Variants in CRYBG1 observed in about 807,000 individuals in gnomAD.
The protein encoded by CRYBG1 is crystallin beta-gamma domain containing 1.
Under a neutral mutation model 189.2 loss-of-function variants are expected in CRYBG1, and 139 were observed. The ratio of observed to expected loss-of-function variants is 0.73; its 90% CI spans 0.64 to 0.85. The LOEUF is 0.85. Among genes scored for constraint, CRYBG1 ranks in the 40% least tolerant of loss-of-function variants. The pLI is 0.00. For synonymous variants in CRYBG1, 1,023 were observed against 1,017.1 expected (o/e 1.01, Z -0.11); for missense variants, 2,611 against 2,675.8 (o/e 0.98, Z 0.53).
chr6:106,377,033 C>T (rs1562290225), intron 1 of CRYBG1, among the ~76,000 whole-genome samples: 1 of 152,118 alleles, frequency 6.6e-6, no homozygotes, highest in Non-Finnish European at 1.5e-5. Flanking sequence ...GTATTGAACA[C>T]CTGTGCTTAA....
intron 1 of CRYBG1, among the ~76,000 whole-genome samples, chr6:106,389,808 GTTTT>G (rs1770466285): frequency 1.3e-5 from 2 of 151,988 alleles, no homozygotes; most frequent in African/African-American, 4.8e-5. Context: ...TTTTGCATAT[GTTTT>G]GGTTCAGTCG....
intron 3 of CRYBG1, among the ~76,000 whole-genome samples, chr6:106,514,326 A>G (rs1405285596): frequency 1.3e-5 from 2 of 152,186 alleles, no homozygotes; most frequent in Non-Finnish European, 2.9e-5. Flanking sequence ...GGGTATTTTA[A>G]CAACATTATC....
At chr6:106,553,620 C>A in intron 16 of CRYBG1, 53 bp downstream of exon 16, 2 of 1,203,780 alleles carry the variant, frequency 1.7e-6, no homozygotes, top group Non-Finnish European at 2.5e-6. Flanking sequence ...AAACAGAATT[C>A]ACACATCAGC....
Position 106,512,971 on chromosome 6 carries a change from C to G in CRYBG1, c.1854C>G (p.Asp618Glu). ...CGGCCGGAGCGCCTGGAGCTTCTGA[C>G]GCCGACGGCTTGAAGCCCAGGAACC... Reference protein sequence around the residue: ...GRAAGAPGASDADGLKPRNHF... With the variant: ...GRAAGAPGASEADGLKPRNHF... Residue 618 changes from aspartate to glutamate, a missense_variant, in exon 3 of 22, where the codon GAC (aspartate) becomes GAG (glutamate). Asp to Glu is a conservative substitution (Grantham distance 45, BLOSUM62 2). Around this residue, in one of 3 missense-constraint regions of CRYBG1, gnomAD observed 985 missense variants for 924.4 expected, o/e 1.07. Coordinates refer to ENST00000633556, the MANE Select transcript of CRYBG1 (RefSeq NM_001371242.2). 2 of 1,611,180 alleles carry G rather than the reference C, an allele frequency of 1.2e-6. No individual in the cohort carries two copies. Among genetic ancestry groups the G allele is most frequent in the Non-Finnish European group, 1.7e-6 (2 of 1,179,516 alleles).
chr6:106,366,739 G>A (rs1166935219), intron 1 of CRYBG1, among the ~76,000 whole-genome samples: 1 of 152,252 alleles, frequency 6.6e-6, no homozygotes, highest in Non-Finnish European at 1.5e-5. Context: ...TCTATGTAAA[G>A]CACCCAGCAC....
chr6:106,499,314 G>A (rs1458651847), intron 2 of CRYBG1, among the ~76,000 whole-genome samples: 12 of 142,196 alleles, frequency 8.4e-5, no homozygotes, highest in Non-Finnish European at 6.1e-5. Flanking sequence ...CACCACACCC[G>A]GCTAATTTTT....
intron 1 of CRYBG1, among the ~76,000 whole-genome samples, chr6:106,369,160 G>A (rs1264877921): frequency 6.6e-6 from 1 of 152,104 alleles, no homozygotes; most frequent in Non-Finnish European, 1.5e-5. Context: ...CATACAAATG[G>A]GGCAGAGAAT....
intron 2 of CRYBG1, among the ~76,000 whole-genome samples, chr6:106,459,651 T>G (rs1393909115): frequency 6.6e-6 from 1 of 152,010 alleles, no homozygotes; most frequent in Non-Finnish European, 1.5e-5. Flanking sequence ...ATGTAGAATA[T>G]GATGGATGTA....
chr6:106,512,577 AG>A lies in CRYBG1; in HGVS notation c.1461del (p.Lys487AsnfsTer136). Reference sequence around the variant, plus strand: ...GCCTCCGCTGCGAGCCCAGAGTCCAAGCCCAGCCCCGGTACCAAAGGGCAGC... The same window carrying A: ...GCCTCCGCTGCGAGCCCAGAGTCCAACCCAGCCCCGGTACCAAAGGGCAGC... ...GVASAASPES[K>X]PSPGTKGQLR... On this transcript the variant is annotated frameshift_variant, in exon 3 of 22. Transcript: ENST00000633556. LOFTEE classifies it high-confidence loss of function. The A allele has an allele frequency of 6.2e-7, 1 of 1,606,468 alleles. No homozygotes were observed. Among genetic ancestry groups the A allele is most frequent in the Non-Finnish European group, 8.5e-7 (1 of 1,177,206 alleles).
chr6:106,517,387 CACAT>C (rs1773456789), intron 3 of CRYBG1, among the ~76,000 whole-genome samples: 1 of 39,522 alleles, frequency 2.5e-5, no homozygotes, highest in African/African-American at 8.4e-5. Context: ...CACATATACA[CACAT>C]ATATATATAT....
chr6:106,421,886 C>CA (rs909793844), intron 1 of CRYBG1, among the ~76,000 whole-genome samples: 8 of 149,272 alleles, frequency 5.4e-5, no homozygotes, highest in South Asian at 2.1e-4. Context: ...TGGTAGCAGG[C>CA]AAAAAAAAAG....
intron 2 of CRYBG1, among the ~76,000 whole-genome samples, chr6:106,464,350 G>A (rs531262765): frequency 5.3e-5 from 8 of 152,096 alleles, no homozygotes; most frequent in East Asian, 1.9e-4. Flanking sequence ...AAAATTAGCC[G>A]GGCATGTTGG....
chr6:106,443,500 T>A (rs1771602906), intron 1 of CRYBG1, among the ~76,000 whole-genome samples: 1 of 152,200 alleles, frequency 6.6e-6, no homozygotes, highest in East Asian at 1.9e-4. Flanking sequence ...ACATCCTTCT[T>A]GGCATCCCTG....
chr6:106,445,372 A>G (rs1771647215), intron 1 of CRYBG1, among the ~76,000 whole-genome samples: 1 of 152,204 alleles, frequency 6.6e-6, no homozygotes, highest in Non-Finnish European at 1.5e-5. Flanking sequence ...GTGACTTTGA[A>G]CAATGAATAT....
chr6:106,470,765 C>T (rs763643574), intron 2 of CRYBG1, among the ~76,000 whole-genome samples: 4 of 152,160 alleles, frequency 2.6e-5, no homozygotes, highest in Admixed American at 6.5e-5. Context: ...TAAAGGGCCA[C>T]ATTGCCTGCC....
At chr6:106,466,633 A>G (rs558635437) in intron 2 of CRYBG1, among the ~76,000 whole-genome samples, 1 of 152,350 alleles carries the variant, frequency 6.6e-6, no homozygotes, top group South Asian at 2.1e-4. Flanking sequence ...TTTATTTATG[A>G]ATAAAGGAAA....
In CRYBG1 at chr6:106,454,391, T is replaced by A. The variant is rs192163695; in HGVS notation, c.312+2559T>A. Among the ~76,000 whole-genome samples the A allele has an allele frequency of 2.5e-4, 38 of 152,246 alleles. No individual in the cohort carries two copies. The East Asian group carries it at 4.6e-3, about 19-fold the overall frequency. ...CACACACACCCCACTACCACCTCCC[T>A]GGCCAATATTACTGGGAAACAAATG... On this transcript the variant is annotated intron_variant, in intron 2 of 21. Transcript: ENST00000633556.
At chr6:106,533,312 C>T (rs1773916116) in intron 8 of CRYBG1, among the ~76,000 whole-genome samples, 1 of 152,170 alleles carries the variant, frequency 6.6e-6, no homozygotes, top group African/African-American at 2.4e-5. Context: ...GAGGCCAAGG[C>T]GGCTGAAGCT....
rs1250143024 is a variant in CRYBG1 at position 106,561,419 on chromosome 6, G to C, written c.6057G>C (p.Lys2019Asn). The change falls in exon 20 of 22, where the codon AAG (lysine) becomes AAC (asparagine). Residue 2019 changes from lysine to asparagine, a missense_variant. Transcript: ENST00000633556. ...MSTNGNLEDL[K>N]LLRIQVMEDV... ...CCAATGGAAACTTAGAGGATCTGAA[G>C]CTTCTGAGGATACAGGTCATGGAGG... is the stretch of plus-strand genomic sequence containing the variant. 3.7e-6 allele frequency: 6 copies of C among 1,614,040 alleles called. No individual in the cohort carries two copies. The highest frequency in any genetic ancestry group is 1.3e-5 in the African/African-American group (1 of 74,924).
Sources: gnomAD v4.1 joint callset for allele counts (sites outside exome capture counted in the v4.1 genomes callset) on GRCh38, gnomAD v4.1.1 for gene constraint, gnomAD v4.1.1 regional missense constraint, MANE v1.5 for transcripts, NCBI Gene and HGNC (gene_info 2026-07-23, HGNC 2026-07-21) for gene names.